SPATA6L: variants seen among roughly 807,000 people sequenced by gnomAD.
The protein encoded by SPATA6L is spermatogenesis associated 6-like protein.
Under a neutral mutation model 49.2 loss-of-function variants are expected in SPATA6L, and 68 were observed. The observed-to-expected ratio is 1.38, with a 90% CI of 1.14 to 1.69. The LOEUF (loss-of-function observed/expected upper bound fraction) is 1.69. SPATA6L is among the 40% of genes most tolerant of loss of function. The pLI, the probability that SPATA6L is intolerant of heterozygous loss-of-function variation, is 0.00. For missense variants in SPATA6L, 668 were observed against 464.3 expected, an observed-to-expected ratio of 1.44 and a Z score of -4.03; for synonymous variants, 198 against 165.7, an observed-to-expected ratio of 1.19 and a Z score of -1.50.
intron 10 of SPATA6L, among the ~76,000 whole-genome samples, chr9:4,604,710 T>C (rs1231584728): frequency 1.3e-5 from 2 of 152,198 alleles, no homozygotes; most frequent in African/African-American, 2.4e-5. Context: ...TGTCAGTATA[T>C]AATAAGTCAA....
rs1379725918 is a variant in SPATA6L, at chr9:4,617,914, G to C, written c.995+9C>G. 1.9e-6 allele frequency: 3 copies of C among 1,595,614 alleles called. No individual in the cohort carries two copies. The Admixed American group carries it at 5.1e-5, about 27-fold the overall frequency. ...TCGTCAGGCAAACAGATGGGTGCTT[G>C]CCACTGACCTTTCTCTGAGAAGGGG... is the stretch of plus-strand genomic sequence containing the variant. On this transcript the variant is annotated intron_variant, in intron 9 of 11. Transcript: ENST00000682582.
chr9:4,648,019 G>C (rs966190255), intron 3 of SPATA6L, among the ~76,000 whole-genome samples: 2 of 152,034 alleles, frequency 1.3e-5, no homozygotes, highest in Non-Finnish European at 1.5e-5. Context: ...ATTTTTAGTT[G>C]AGATGGAGTT....
intron 5 of SPATA6L, chr9:4,627,927 C>G (rs1280736254): frequency 2.8e-6 from 2 of 702,540 alleles, no homozygotes; most frequent in Non-Finnish European, 4.3e-6. Context: ...GCTATTCAGC[C>G]ATTATTTTTT....
chr9:4,631,161 C>A (rs1049145444), intron 4 of SPATA6L, among the ~76,000 whole-genome samples: 1 of 152,114 alleles, frequency 6.6e-6, no homozygotes, highest in Admixed American at 6.5e-5. Context: ...TTTTTCATAC[C>A]GTGCTGTTTT....
At chr9:4,619,482 G>T (rs1369001922) in intron 7 of SPATA6L, among the ~76,000 whole-genome samples, 1 of 152,072 alleles carries the variant, frequency 6.6e-6, no homozygotes, top group African/African-American at 2.4e-5. Flanking sequence ...ACATGTGGAA[G>T]GGAGAAGGGT....
chr9:4,635,959 C>T (rs1021400910), intron 3 of SPATA6L, among the ~76,000 whole-genome samples: 15 of 152,228 alleles, frequency 9.9e-5, no homozygotes, highest in Admixed American at 6.5e-5. Flanking sequence ...CACTCATGCA[C>T]ATCACACTAT....
intron 3 of SPATA6L, among the ~76,000 whole-genome samples, chr9:4,643,739 T>C (rs2130652221): frequency 6.6e-6 from 1 of 152,308 alleles, no homozygotes; most frequent in South Asian, 2.1e-4. Context: ...GGGCAGTGGC[T>C]CACGTCTGTA....
chr9:4,593,759 T>C (rs143235672), downstream of SPATA6L, among the ~76,000 whole-genome samples: 1 of 152,340 alleles, frequency 6.6e-6, no homozygotes, highest in African/African-American at 2.4e-5. Flanking sequence ...TTATTTTTCC[T>C]TGGCTTCCAA....
chr9:4,625,629 G>A (rs1830206543), intron 5 of SPATA6L, 63 bp from the exon 6 acceptor site: 4 of 1,147,368 alleles, frequency 3.5e-6, no homozygotes, highest in South Asian at 4.3e-5. Context: ...AATTCAATCA[G>A]AATATAACTG....
In SPATA6L at chr9:4,618,759, T is replaced by A. The variant is rs1828590759; in HGVS notation, c.807+105A>T. On this transcript the variant is annotated intron_variant, in intron 8 of 11. Transcript: ENST00000682582. ...AACACTAAACTACAGCAATTCCACC[T>A]AAGCAGACTAACTAGAAATATCCAC... 2.9e-6 allele frequency: 3 copies of A among 1,047,406 alleles called. No homozygotes were observed. In the African/African-American group the frequency reaches 4.8e-5, roughly 17 times the overall value. The allele number at this position is 1,047,406 out of a possible 1,614,324, so 64.9% of individuals were successfully genotyped here.
At chr9:4,655,954 C>T (rs1029086478) in intron 3 of SPATA6L, 87 bp downstream of exon 3, 66 of 1,013,182 alleles carry the variant, frequency 6.5e-5, no homozygotes, top group Non-Finnish European at 8.0e-5. Flanking sequence ...ATGAACATAT[C>T]ACAGTTTAGA....
intron 2 of SPATA6L, among the ~76,000 whole-genome samples, chr9:4,658,616 T>C (rs746945758): frequency 1.1e-4 from 16 of 152,212 alleles, no homozygotes; most frequent in Non-Finnish European, 2.2e-4. Context: ...ACTCTTCTCT[T>C]TGACAAATCA....
At chr9:4,642,889 G>T (rs1834345854) in intron 3 of SPATA6L, among the ~76,000 whole-genome samples, 1 of 152,070 alleles carries the variant, frequency 6.6e-6, no homozygotes, top group Non-Finnish European at 1.5e-5. Context: ...TATACAGAAG[G>T]AAAGAAAGAA....
At chr9:4,619,355 A>C (rs1276579431) in intron 7 of SPATA6L, among the ~76,000 whole-genome samples, 1 of 151,830 alleles carries the variant, frequency 6.6e-6, no homozygotes, top group Non-Finnish European at 1.5e-5. Flanking sequence ...ATGGGGTTTC[A>C]CTACGTTGGC....
chr9:4,626,945 A>T (rs557084892), intron 5 of SPATA6L: 11 of 152,642 alleles, frequency 7.2e-5, no homozygotes, highest in African/African-American at 2.6e-4. Context: ...AGAATATACT[A>T]AAAAAATTAA....
At position 4,629,183 on chromosome 9, in the gene SPATA6L, A is replaced by T. The variant is rs575743266; in HGVS notation, c.352-15T>A. On this transcript the variant is annotated splice_polypyrimidine_tract_variant and intron_variant, in intron 4 of 11. Coordinates refer to ENST00000682582, the MANE Select transcript of SPATA6L (RefSeq NM_001353486.2). ...GGAGCAATGCCCTATAAAACAGCAT[A>T]AAAAAAGCAAATAAAATTACTAGAA... 9.1e-5 allele frequency: 141 copies of T among 1,554,768 alleles called. 2 individuals are homozygous for T. In the South Asian group the frequency reaches 1.4e-3, roughly 16 times the overall value.
intron 9 of SPATA6L, among the ~76,000 whole-genome samples, chr9:4,605,986 T>C (rs1024215666): frequency 2.6e-5 from 4 of 152,122 alleles, no homozygotes; most frequent in Non-Finnish European, 2.9e-5. Flanking sequence ...GGGCGAGGCA[T>C]TGCCTCACTC....
In SPATA6L at chr9:4,666,378, T is replaced by C; in HGVS notation, c.-128A>G. On this transcript the variant is annotated 5_prime_UTR_variant, in exon 1 of 12. Transcript: ENST00000682582. ...CAGAAGCTTCCCCAGTCCCACGCCC[T>C]TGTTCCCCTACCGTCCCCCCCAGCC... 1 of 984,850 alleles carries C rather than the reference T, an allele frequency of 1.0e-6. No individual in the cohort carries two copies. The highest frequency in any genetic ancestry group is 1.6e-6 in the Non-Finnish European group (1 of 630,082). The allele number at this position is 984,850 out of a possible 1,614,324, so 61.0% of individuals were successfully genotyped here. A position where few individuals can be genotyped will look rare whatever the true frequency, so the allele number is the denominator to read the frequency against.
At chr9:4,594,822 A>G (rs1049253253), downstream of SPATA6L, among the ~76,000 whole-genome samples, 1 of 152,098 alleles carries the variant, frequency 6.6e-6, no homozygotes, top group African/African-American at 2.4e-5. Flanking sequence ...AATCCTCTAA[A>G]TTCTATTTAC....
Sources: allele counts gnomAD v4.1 joint callset (sites outside exome capture counted in the v4.1 genomes callset), GRCh38; gene constraint gnomAD v4.1.1; transcripts MANE v1.5; gene names NCBI Gene and HGNC (gene_info 2026-07-23, HGNC 2026-07-21).